Variants in ELAPOR1 observed in about 807,000 individuals in gnomAD.
ELAPOR1 encodes the protein endosome-lysosome associated apoptosis and autophagy regulator 1, also known as endosome/lysosome-associated apoptosis and autophagy regulator 1.
Under a neutral mutation model 119.7 loss-of-function variants are expected in ELAPOR1, and 77 were observed. The ratio of observed to expected loss-of-function variants is 0.64; its 90% CI spans 0.54 to 0.78. ELAPOR1 has a LOEUF of 0.78. Among genes scored for constraint, ELAPOR1 ranks in the 30% least tolerant of loss-of-function variants. The pLI, the probability that ELAPOR1 is intolerant of heterozygous loss-of-function variation, is 0.00. For synonymous variants in ELAPOR1, 481 were observed against 487.2 expected (o/e 0.99, Z 0.17); for missense variants, 1,115 against 1,270.4 (o/e 0.88, Z 1.86).
chr1:109,137,461 C>T (rs559311317), intron 1 of ELAPOR1, among the ~76,000 whole-genome samples: 4 of 151,988 alleles, frequency 2.6e-5, no homozygotes, highest in Non-Finnish European at 4.4e-5. Flanking sequence ...GCCTCGGCCG[C>T]CCAAAGTGCT....
At chr1:109,141,832 AT>A (rs963714030) in intron 1 of ELAPOR1, among the ~76,000 whole-genome samples, 95 of 145,026 alleles carry the variant, frequency 6.6e-4, no homozygotes, top group East Asian at 8.0e-4. Flanking sequence ...CACCTGGCTA[AT>A]TTTTTTTTTT....
At position 109,192,882 on chromosome 1, in the gene ELAPOR1, T is replaced by C. The variant is rs659659; in HGVS notation, c.1947+8T>C. 0.76 allele frequency: 1,223,138 copies of C among 1,612,342 alleles called. 472,115 individuals are homozygous for C. Among genetic ancestry groups the C allele is most frequent in the East Asian group, 1 (44,738 of 44,838 alleles). On this transcript the variant is annotated splice_region_variant and intron_variant, in intron 14 of 21. Transcript: ENST00000369939. Reference sequence around the variant, plus strand: ...GGGACCAAGAACAACAAGGTACCTGTAGTCTGGCATGCATCCTAAACCTGA... The same window carrying C: ...GGGACCAAGAACAACAAGGTACCTGCAGTCTGGCATGCATCCTAAACCTGA...
chr1:109,183,523 A>C (rs1652848393), intron 7 of ELAPOR1, among the ~76,000 whole-genome samples: 1 of 150,420 alleles, frequency 6.6e-6, no homozygotes. Context: ...GAAAACTGAT[A>C]GTTCACGTTT....
At position 109,198,624 on chromosome 1, in the gene ELAPOR1, C is replaced by T. The variant is rs773197105; in HGVS notation, c.2451C>T (p.Arg817=). ...SCSSGRSTTI[R]VRCSPQKTVP... is the part of the protein sequence containing the mutation. ...GTTCTGGGAGATCAACCACCATCCG[C>T]GTCAGGTGCAGTCCACAGAAAACTG... Residue 817 remains arginine, a synonymous_variant, in exon 18 of 22, where the codon CGC becomes CGT. Coordinates refer to ENST00000369939, the MANE Select transcript of ELAPOR1 (RefSeq NM_020775.5). 5.8e-5 allele frequency: 94 copies of T among 1,614,006 alleles called. No individual in the cohort carries two copies. The highest frequency in any genetic ancestry group is 7.6e-5 in the Non-Finnish European group (90 of 1,179,976).
At chr1:109,178,647 G>T (rs776689555) in intron 7 of ELAPOR1, among the ~76,000 whole-genome samples, 1 of 152,210 alleles carries the variant, frequency 6.6e-6, no homozygotes, top group African/African-American at 2.4e-5. Flanking sequence ...CATGGTGTTG[G>T]GATAGGAGAG....
chr1:109,127,542 G>C (rs1255139969), intron 1 of ELAPOR1, among the ~76,000 whole-genome samples: 1 of 151,606 alleles, frequency 6.6e-6, no homozygotes, highest in East Asian at 1.9e-4. Flanking sequence ...TGAGAAGGCT[G>C]ATATGATGTT....
chr1:109,120,865 G>A (rs774403359), intron 1 of ELAPOR1, among the ~76,000 whole-genome samples: 2 of 152,204 alleles, frequency 1.3e-5, no homozygotes, highest in Non-Finnish European at 2.9e-5. Context: ...ACTAAATAGA[G>A]TCCAGGTGAA....
At chr1:109,161,691 G>A in intron 1 of ELAPOR1, 2 of 500,200 alleles carry the variant, frequency 4.0e-6, no homozygotes, top group Non-Finnish European at 7.2e-6. Context: ...CTAGGGACTA[G>A]ACCATGGCTG....
chr1:109,174,202 A>G (rs1558050451), intron 7 of ELAPOR1, among the ~76,000 whole-genome samples: 1 of 151,196 alleles, frequency 6.6e-6, no homozygotes, highest in South Asian at 2.1e-4. Context: ...ATTTTTATAG[A>G]GACAGGGGTC....
At chr1:109,131,564 T>A (rs1649149386) in intron 1 of ELAPOR1, among the ~76,000 whole-genome samples, 2 of 152,252 alleles carry the variant, frequency 1.3e-5, no homozygotes, top group Middle Eastern at 6.8e-3. Context: ...CCAGGTGCTG[T>A]ACTTGAAGCT....
chr1:109,181,652 G>T (rs1652700726), intron 7 of ELAPOR1, among the ~76,000 whole-genome samples: 1 of 152,100 alleles, frequency 6.6e-6, no homozygotes, highest in Admixed American at 6.6e-5. Flanking sequence ...CTAAGAATTG[G>T]CACCTTCCCA....
chr1:109,149,555 G>A (rs1395563018), intron 1 of ELAPOR1, among the ~76,000 whole-genome samples: 14 of 152,188 alleles, frequency 9.2e-5, no homozygotes, highest in African/African-American at 2.9e-4. Flanking sequence ...CACAGCTCCC[G>A]AGCTGTTCTA....
intron 1 of ELAPOR1, among the ~76,000 whole-genome samples, chr1:109,155,214 T>C (rs1417957074): frequency 1.3e-5 from 2 of 152,172 alleles, no homozygotes; most frequent in African/African-American, 4.8e-5. Flanking sequence ...GCTCACTCTG[T>C]GGCCCAGGCT....
chr1:109,118,524 T>C (rs1380919369), intron 1 of ELAPOR1, among the ~76,000 whole-genome samples: 1 of 152,094 alleles, frequency 6.6e-6, no homozygotes, highest in Non-Finnish European at 1.5e-5. Context: ...ACTGAAGATA[T>C]TACTGAAGTC....
intron 3 of ELAPOR1, among the ~76,000 whole-genome samples, chr1:109,165,680 T>G (rs1273411727): frequency 1.3e-5 from 2 of 151,722 alleles, no homozygotes; most frequent in Non-Finnish European, 2.9e-5. Flanking sequence ...CTTTCTCAGC[T>G]TGACTGGAAC....
chr1:109,188,408 G>A, intron 9 of ELAPOR1, 54 bp downstream of exon 9: 2 of 1,554,786 alleles, frequency 1.3e-6, no homozygotes, highest in East Asian at 2.3e-5. Context: ...TGGGTGGGCT[G>A]TGTGGGCACT....
intron 1 of ELAPOR1, among the ~76,000 whole-genome samples, chr1:109,130,089 T>C (rs6694052): frequency 0.24 from 36,732 of 152,128 alleles, 4,916 homozygotes; most frequent in Middle Eastern, 0.34. Flanking sequence ...GGCCTTCCTC[T>C]TGTGTGTGTC....
intron 17 of ELAPOR1, 132 bp downstream of exon 17, chr1:109,198,207 G>T (rs1653948706): frequency 5.5e-6 from 4 of 722,500 alleles, no homozygotes; most frequent in African/African-American, 1.7e-5. Flanking sequence ...GATCTGCCCA[G>T]TCATGATAGC....
Position 109,204,431 on chromosome 1 carries a change from A to G in ELAPOR1, c.*1419A>G, listed in dbSNP as rs989450850. ...CCCCAAACCCAGATGTTCCAGCCTTATCCTCTGTTGGGTTTACCCACAGAC... is the reference window on the plus strand; with the variant it reads ...CCCCAAACCCAGATGTTCCAGCCTTGTCCTCTGTTGGGTTTACCCACAGAC... On this transcript the variant is annotated 3_prime_UTR_variant, in exon 22 of 22. Transcript: ENST00000369939. 10 of 152,220 alleles carry G rather than the reference A, an allele frequency of 6.6e-5. No individual in the cohort carries two copies. The highest frequency in any genetic ancestry group is 2.4e-4 in the African/African-American group (10 of 41,446). 9.4% of individuals were successfully genotyped at this position (152,220 alleles called of 1,614,324 possible). A position where few individuals can be genotyped will look rare whatever the true frequency, so the allele number is the denominator to read the frequency against.
Sources: allele counts gnomAD v4.1 joint callset (sites outside exome capture counted in the v4.1 genomes callset), GRCh38; gene constraint gnomAD v4.1.1; transcripts MANE v1.5; gene names NCBI Gene and HGNC (gene_info 2026-07-23, HGNC 2026-07-21).